The following MIA2 variants were observed in gnomAD, a reference collection of about 807,000 sequenced individuals.
MIA2 encodes the protein MIA SH3 domain ER export factor 2.
A neutral mutation model predicts 167.8 loss-of-function variants in MIA2; 127 were observed. That is an observed-to-expected ratio of 0.76 (90% CI 0.66 to 0.88). The LOEUF (loss-of-function observed/expected upper bound fraction) is 0.88, where lower values mean the gene tolerates loss of function less well. Among genes scored for constraint, MIA2 ranks in the 40% least tolerant of loss-of-function variants. The pLI, the probability that MIA2 is intolerant of heterozygous loss-of-function variation, is 0.00. For synonymous variants in MIA2, 552 were observed against 541.9 expected (o/e 1.02, Z -0.26); for missense variants, 1,690 against 1,624.7 (o/e 1.04, Z -0.69).
intron 14 of MIA2, 143 bp from the exon 15 acceptor site, chr14:39,301,986 C>T: frequency 1.0e-6 from 1 of 960,676 alleles, no homozygotes; most frequent in East Asian, 2.6e-5. Context: ...ACTACAATAT[C>T]TTAATAAGAG....
chr14:39,386,227 A>G, intron 23 of MIA2: 1 of 1,407,200 alleles, frequency 7.1e-7, no homozygotes, highest in Non-Finnish European at 1.0e-6. Flanking sequence ...GTTTGTCTGC[A>G]GTTGTATTTT....
Position 39,315,711 on chromosome 14 carries a change from A to G in MIA2, c.3209A>G (p.Asp1070Gly). The change falls in exon 21 of 29, where the codon GAT becomes GGT. Residue 1070 changes from aspartate to glycine, a missense_variant. Coordinates refer to ENST00000640607, the MANE Select transcript of MIA2 (RefSeq NM_001329214.4). ...QIISHEKKAHDNWLAARNAER... is the reference protein window; with the variant it reads ...QIISHEKKAHGNWLAARNAER... ...ATTTCCCATGAGAAAAAAGCACATG[A>G]TAATTGGGTAAGTTTAAAATTTCCT... The G allele has an allele frequency of 6.4e-7, 1 of 1,551,616 alleles. No individual in the cohort carries two copies. The highest frequency in any genetic ancestry group is 2.3e-5 in the East Asian group (1 of 44,098).
intron 9 of MIA2, among the ~76,000 whole-genome samples, chr14:39,287,291 G>T (rs542709504): frequency 6.6e-6 from 1 of 151,968 alleles, no homozygotes; most frequent in East Asian, 2.0e-4. Context: ...TGCCCAAGCT[G>T]GTCTCGAACT....
At chr14:39,298,460 G>A (rs1339425557) in intron 13 of MIA2, among the ~76,000 whole-genome samples, 1 of 19,952 alleles carries the variant, frequency 5.0e-5, no homozygotes, top group Non-Finnish European at 1.7e-4. Context: ...AGTTTTTCAT[G>A]TGTTCGGAAT....
intron 6 of MIA2, chr14:39,266,147 C>T (rs2055591510): frequency 1.0e-6 from 1 of 985,368 alleles, no homozygotes; most frequent in Middle Eastern, 5.2e-4. Flanking sequence ...CTATTGAGTT[C>T]TTTTGGGTGA....
At chr14:39,287,808 GC>G (rs1402121002) in intron 9 of MIA2, among the ~76,000 whole-genome samples, 2 of 150,514 alleles carry the variant, frequency 1.3e-5, no homozygotes, top group African/African-American at 4.9e-5. Flanking sequence ...TGATCTGCCC[GC>G]CTCGGCCTCC....
At chr14:39,324,530 C>A (rs2152984579) in intron 24 of MIA2, among the ~76,000 whole-genome samples, 3 of 152,080 alleles carry the variant, frequency 2.0e-5, no homozygotes, top group Admixed American at 2.0e-4. Context: ...GTACAAGTTA[C>A]CAAGAAAAGT....
At chr14:39,387,285 T>G (rs1342943054) in exon 24 of MIA2, 1 of 249,750 alleles carries the variant, frequency 4.0e-6, no homozygotes, top group Non-Finnish European at 7.4e-6. Flanking sequence ...TGGGAGGAGA[T>G]TAAAGTATCA....
rs1280042038 is a variant in MIA2 at position 39,313,320 on chromosome 14, T to C, written c.3018-20T>C. On this transcript the variant is annotated intron_variant, in intron 18 of 28. Coordinates refer to ENST00000640607, the MANE Select transcript of MIA2 (RefSeq NM_001329214.4). ...CTTTTGACATGTATTAAGAGAATTA[T>C]AACATTTTTTGTTTTTAAGGAAATT... 3.1e-6 allele frequency: 4 copies of C among 1,301,282 alleles called. No homozygotes were observed. The highest frequency in any genetic ancestry group is 1.5e-5 in the African/African-American group (1 of 67,452). The allele number at this position is 1,301,282 out of a possible 1,614,324, so 80.6% of individuals were successfully genotyped here. A position where few individuals can be genotyped will look rare whatever the true frequency, so the allele number is the denominator to read the frequency against.
At chr14:39,252,113 C>T (rs2084442807) in intron 4 of MIA2, among the ~76,000 whole-genome samples, 1 of 152,004 alleles carries the variant, frequency 6.6e-6, no homozygotes, top group African/African-American at 2.4e-5. Context: ...TGTAATTCTT[C>T]CTTGGCTGAG....
chr14:39,246,028 A>G (rs771962954), intron 3 of MIA2, among the ~76,000 whole-genome samples: 4 of 152,132 alleles, frequency 2.6e-5, no homozygotes, highest in Non-Finnish European at 4.4e-5. Context: ...TGCAGAATAC[A>G]CTGAAAGCAT....
At chr14:39,309,218 C>T (rs1309363972) in intron 18 of MIA2, among the ~76,000 whole-genome samples, 1 of 152,170 alleles carries the variant, frequency 6.6e-6, no homozygotes, top group Non-Finnish European at 1.5e-5. Context: ...CGCCCTTTCT[C>T]CTGCACTGTG....
At chr14:39,290,386 C>T (rs1328456205) in intron 9 of MIA2, among the ~76,000 whole-genome samples, 1 of 151,952 alleles carries the variant, frequency 6.6e-6, no homozygotes, top group African/African-American at 2.4e-5. Flanking sequence ...AAGGTGGATC[C>T]AGAACAACGT....
At chr14:39,255,971 G>C (rs1486825796) in intron 6 of MIA2, among the ~76,000 whole-genome samples, 2 of 152,190 alleles carry the variant, frequency 1.3e-5, no homozygotes, top group African/African-American at 4.8e-5. Context: ...AAGCTGAGAT[G>C]AGATCACAGG....
chr14:39,370,023 A>C (rs1297627177), intron 23 of MIA2, among the ~76,000 whole-genome samples: 4 of 152,228 alleles, frequency 2.6e-5, no homozygotes, highest in African/African-American at 9.7e-5. Flanking sequence ...TTAGCTCCTG[A>C]ATCAGACAAA....
At chr14:39,245,240 GTTTTGGTGCAACT>G (rs1174116443) in intron 3 of MIA2, among the ~76,000 whole-genome samples, 1 of 151,996 alleles carries the variant, frequency 6.6e-6, no homozygotes, top group Non-Finnish European at 1.5e-5. Flanking sequence ...TGTGTCCAGC[GTTTTGGTGCAACT>G]TTTAACAAGG....
intron 1 of MIA2, among the ~76,000 whole-genome samples, chr14:39,236,360 A>C (rs1393588042): frequency 2.0e-5 from 3 of 152,110 alleles, no homozygotes; most frequent in Non-Finnish European, 4.4e-5. Context: ...AAAAGCTCAG[A>C]ATAAGGAAGA....
In MIA2 at chr14:39,238,804, A is replaced by ACAAAACAAAACAAAAC. The variant is rs1336026910; in HGVS notation, c.249+1749_249+1750insCAAAACAAAACAAAAC. On this transcript the variant is annotated intron_variant, in intron 2 of 28. Coordinates refer to ENST00000640607, the MANE Select transcript of MIA2 (RefSeq NM_001329214.4). Reference sequence around the variant, plus strand: ...GTGAGACCCTGTCTCAAAAAAAAAAAAAAAAAACCCAAAAAACAAAAAAAC... The same window carrying ACAAAACAAAACAAAAC: ...GTGAGACCCTGTCTCAAAAAAAAAAACAAAACAAAACAAAACAAAAAAACCCAAAAAACAAAAAAAC... Among the ~76,000 whole-genome samples the ACAAAACAAAACAAAAC allele has an allele frequency of 5.6e-3, 517 of 91,536 alleles. 32 individuals carry two copies. Among genetic ancestry groups the ACAAAACAAAACAAAAC allele is most frequent in the African/African-American group, 0.021 (496 of 23,148 alleles). 60.1% of individuals were successfully genotyped at this position (91,536 alleles called of 152,430 possible).
At chr14:39,340,362 T>A (rs1393967941) in intron 25 of MIA2, among the ~76,000 whole-genome samples, 1 of 152,204 alleles carries the variant, frequency 6.6e-6, no homozygotes, top group Non-Finnish European at 1.5e-5. Flanking sequence ...CTCTTTTTCT[T>A]AAAGAGCTGA....
Sources: gnomAD v4.1 joint callset for allele counts (sites outside exome capture counted in the v4.1 genomes callset) on GRCh38, gnomAD v4.1.1 for gene constraint, MANE v1.5 for transcripts, NCBI Gene and HGNC (gene_info 2026-07-23, HGNC 2026-07-21) for gene names.